The following SDK1 variants were observed in gnomAD, a reference collection of about 807,000 sequenced individuals.
SDK1 encodes protein sidekick-1.
Under a neutral mutation model 245.5 loss-of-function variants are expected in SDK1, and 157 were observed. The observed-to-expected ratio is 0.64, with a 90% confidence interval of 0.56 to 0.73. The LOEUF (loss-of-function observed/expected upper bound fraction) is 0.73, where lower values mean the gene tolerates loss of function less well. SDK1 is among the 30% of genes least tolerant of loss of function. SDK1 has a pLI of 0.00. For synonymous variants in SDK1, 1,647 were observed against 1,278.5 expected, an observed-to-expected ratio of 1.29 and a Z score of -6.15; for missense variants, 3,583 against 3,002.3, an observed-to-expected ratio of 1.19 and a Z score of -4.52.
intron 1 of SDK1, among the ~76,000 whole-genome samples, chr7:3,583,600 C>T (rs555251039): frequency 1.3e-5 from 2 of 152,052 alleles, no homozygotes; most frequent in African/African-American, 4.8e-5. Context: ...TTGGGGAGTT[C>T]CTTGAGATAC....
At chr7:3,400,666 T>G (rs2341023) in intron 1 of SDK1, among the ~76,000 whole-genome samples, 8,420 of 152,156 alleles carry the variant, frequency 0.055, 659 homozygotes, top group African/African-American at 0.17. Context: ...GGAGTGGGGG[T>G]TACCTAGAAA....
intron 1 of SDK1, among the ~76,000 whole-genome samples, chr7:3,573,831 G>A (rs1562572806): frequency 6.6e-6 from 1 of 151,776 alleles, no homozygotes; most frequent in African/African-American, 2.4e-5. Flanking sequence ...CTGTTCTTCT[G>A]TTTTCCATTT....
chr7:3,748,472 G>C (rs1779687918), intron 4 of SDK1, among the ~76,000 whole-genome samples: 1 of 152,160 alleles, frequency 6.6e-6, no homozygotes, highest in Admixed American at 6.5e-5. Context: ...CGAGTAGTCA[G>C]GTCCAGTGTT....
chr7:3,381,264 G>T (rs1483276015), intron 1 of SDK1, among the ~76,000 whole-genome samples: 1 of 152,156 alleles, frequency 6.6e-6, no homozygotes, highest in Non-Finnish European at 1.5e-5. Context: ...TGGACCAGTG[G>T]TACACAGGTT....
chr7:3,565,433 A>G (rs1376610121), intron 1 of SDK1, among the ~76,000 whole-genome samples: 1 of 152,230 alleles, frequency 6.6e-6, no homozygotes, highest in Non-Finnish European at 1.5e-5. Context: ...TTTTCATTTT[A>G]TGTCCTGATC....
intron 1 of SDK1, among the ~76,000 whole-genome samples, chr7:3,306,262 C>G (rs192121969): frequency 1.9e-4 from 28 of 144,160 alleles, no homozygotes; most frequent in African/African-American, 7.2e-4. Flanking sequence ...GTAACCCCTT[C>G]CATCTACACA....
intron 4 of SDK1, among the ~76,000 whole-genome samples, chr7:3,696,051 G>A (rs902467559): frequency 4.6e-5 from 7 of 151,916 alleles, no homozygotes; most frequent in Admixed American, 6.6e-5. Flanking sequence ...TCCGCGTTCC[G>A]GTTTTCCCAC....
chr7:3,401,870 A>G (rs1026437431), intron 1 of SDK1, among the ~76,000 whole-genome samples: 8 of 152,138 alleles, frequency 5.3e-5, no homozygotes, highest in African/African-American at 1.2e-4. Flanking sequence ...TGTTATCACT[A>G]TTTAACTATC....
intron 40 of SDK1, among the ~76,000 whole-genome samples, chr7:4,228,867 C>T (rs940844005): frequency 9.2e-5 from 14 of 152,104 alleles, no homozygotes; most frequent in African/African-American, 1.7e-4. Context: ...CAACACAGCT[C>T]GTTCACTGGG....
intron 1 of SDK1, among the ~76,000 whole-genome samples, chr7:3,596,885 C>A (rs1781085330): frequency 1.3e-5 from 2 of 152,098 alleles, no homozygotes; most frequent in Admixed American, 1.3e-4. Flanking sequence ...GGTACAGGTA[C>A]AGAAACAGCT....
intron 1 of SDK1, among the ~76,000 whole-genome samples, chr7:3,453,388 G>A (rs775278701): frequency 2.3e-4 from 35 of 152,220 alleles, no homozygotes; most frequent in Non-Finnish European, 4.9e-4. Flanking sequence ...TGGAACCTGT[G>A]AATGTGACCA....
chr7:4,214,977 C>T (rs1428695480), intron 38 of SDK1, among the ~76,000 whole-genome samples: 2 of 152,214 alleles, frequency 1.3e-5, no homozygotes, highest in Admixed American at 6.5e-5. Context: ...ACTCAGCAAC[C>T]CTGCCCCCCA....
chr7:4,141,216 C>T (rs1779563818), intron 28 of SDK1, among the ~76,000 whole-genome samples: 1 of 152,196 alleles, frequency 6.6e-6, no homozygotes, highest in African/African-American at 2.4e-5. Context: ...GCGGCATGGC[C>T]AAAGGCAGGG....
At chr7:3,491,141 A>G (rs577251143) in intron 1 of SDK1, among the ~76,000 whole-genome samples, 1 of 152,352 alleles carries the variant, frequency 6.6e-6, no homozygotes, top group South Asian at 2.1e-4. Flanking sequence ...AAGTTCAAGC[A>G]TATGCTCATG....
chr7:4,135,545 C>T (rs981452264), intron 28 of SDK1, among the ~76,000 whole-genome samples: 1 of 152,212 alleles, frequency 6.6e-6, no homozygotes, highest in African/African-American at 2.4e-5. Flanking sequence ...TTTCCTTTCC[C>T]CTGTGTTTTC....
At chr7:4,090,534 G>A (rs932094693) in intron 22 of SDK1, among the ~76,000 whole-genome samples, 7 of 152,256 alleles carry the variant, frequency 4.6e-5, no homozygotes, top group Admixed American at 2.0e-4. Context: ...TCCATTTGGC[G>A]ATTTGGGGGT....
At chr7:3,342,191 A>C (rs1202072242) in intron 1 of SDK1, among the ~76,000 whole-genome samples, 2 of 152,246 alleles carry the variant, frequency 1.3e-5, no homozygotes, top group African/African-American at 4.8e-5. Context: ...TTGGACATCC[A>C]TAGACGAAAT....
chr7:3,449,800 A>G (rs1263530822), intron 1 of SDK1, among the ~76,000 whole-genome samples: 1 of 152,214 alleles, frequency 6.6e-6, no homozygotes, highest in East Asian at 1.9e-4. Flanking sequence ...TGCTTTCAGC[A>G]TTTTGTGAGG....
chr7:4,215,165 G>A (rs964400016), intron 38 of SDK1, among the ~76,000 whole-genome samples: 2 of 152,194 alleles, frequency 1.3e-5, no homozygotes, highest in African/African-American at 4.8e-5. Flanking sequence ...ACCCACATAC[G>A]TCAAAAGAAG....
Sources: gnomAD v4.1 joint callset for allele counts (sites outside exome capture counted in the v4.1 genomes callset) on GRCh38, gnomAD v4.1.1 for gene constraint, MANE v1.5 for transcripts, NCBI Gene and HGNC (gene_info 2026-07-23, HGNC 2026-07-21) for gene names.